MARCHF10: variants seen among roughly 807,000 people sequenced by gnomAD.
MARCHF10 encodes membrane associated ring-CH-type finger 10.
In MARCHF10, 64 loss-of-function variants were observed where a neutral mutation model predicts 76.2. The observed-to-expected ratio is 0.84, with a 90% CI of 0.69 to 1.03. The LOEUF is 1.03. MARCHF10 is among the 50% of genes least tolerant of loss of function. The pLI is 0.00. For synonymous variants in MARCHF10, 340 were observed against 357.5 expected, an observed-to-expected ratio of 0.95 and a Z score of 0.55; for missense variants, 875 against 958.0, an observed-to-expected ratio of 0.91 and a Z score of 1.14.
chr17:62,805,909 A>G lies in MARCHF10; in HGVS notation c.-18+2168T>C, dbSNP rs79508713. 1.1e-4 allele frequency among the ~76,000 whole-genome samples: 4 copies of G among 35,908 alleles called. No homozygotes were observed. In the East Asian group the frequency reaches 2.3e-3, roughly 20 times the overall value. The allele number at this position is 35,908 out of a possible 152,430, so 23.6% of individuals were successfully genotyped here. Reference sequence around the variant, plus strand: ...AGAGAGACTCCATCCCCTCAAAAATAAAAAAAAATAATAATAATAATAATA... The same window carrying G: ...AGAGAGACTCCATCCCCTCAAAAATGAAAAAAAATAATAATAATAATAATA... On this transcript the variant is annotated intron_variant, in intron 1 of 10. Coordinates refer to ENST00000311269, the MANE Select transcript of MARCHF10 (RefSeq NM_152598.4).
chr17:62,772,503 G>A (rs975989841), intron 3 of MARCHF10, among the ~76,000 whole-genome samples: 2 of 152,148 alleles, frequency 1.3e-5, no homozygotes, highest in Non-Finnish European at 2.9e-5. Flanking sequence ...CTCTAGCATG[G>A]GCCTGTTGGG....
chr17:62,804,565 T>C (rs1029975602), intron 1 of MARCHF10, among the ~76,000 whole-genome samples: 2 of 152,096 alleles, frequency 1.3e-5, no homozygotes, highest in Non-Finnish European at 2.9e-5. Context: ...AGAGCATTCA[T>C]TGGAGTGACG....
chr17:62,782,549 T>C lies in MARCHF10; in HGVS notation c.210+5931A>G, dbSNP rs2092677992. 2.6e-5 allele frequency among the ~76,000 whole-genome samples: 4 copies of C among 152,102 alleles called. No individual in the cohort carries two copies. The South Asian group carries it at 8.3e-4, about 32-fold the overall frequency. On this transcript the variant is annotated intron_variant, in intron 3 of 10. Coordinates refer to ENST00000311269, the MANE Select transcript of MARCHF10 (RefSeq NM_152598.4). ...TTTTAGTAGAGATGGGGTTTCACCA[T>C]ATTGGCCAGGCTGGTCTTGAATTCC...
At chr17:62,771,470 C>T (rs914147993) in intron 3 of MARCHF10, among the ~76,000 whole-genome samples, 11 of 151,898 alleles carry the variant, frequency 7.2e-5, no homozygotes, top group South Asian at 4.2e-4. Context: ...AGCTAGATCT[C>T]GCAGGGCCTC....
chr17:62,764,317 C>T (rs1423116347), intron 3 of MARCHF10, among the ~76,000 whole-genome samples: 1 of 152,168 alleles, frequency 6.6e-6, no homozygotes, highest in East Asian at 1.9e-4. Flanking sequence ...ATTTCTGTCC[C>T]TCCCCGAGAG....
intron 1 of MARCHF10, among the ~76,000 whole-genome samples, chr17:62,802,546 G>A (rs999715042): frequency 1.3e-5 from 2 of 152,294 alleles, no homozygotes; most frequent in East Asian, 3.9e-4. Context: ...CAGGGTGCGA[G>A]ACTGACTTTG....
chr17:62,788,789 C>T (rs1181025150), intron 2 of MARCHF10, among the ~76,000 whole-genome samples, 190 bp from the exon 3 acceptor site: 2 of 151,820 alleles, frequency 1.3e-5, no homozygotes, highest in East Asian at 2.0e-4. Context: ...TCAGGCCGGG[C>T]GCGGTGGCTC....
chr17:62,717,482 T>C (rs1447817080), intron 8 of MARCHF10, among the ~76,000 whole-genome samples: 2 of 152,268 alleles, frequency 1.3e-5, no homozygotes, highest in Non-Finnish European at 2.9e-5. Context: ...CCCCTCCTGC[T>C]CTGTGGCCCA....
In MARCHF10 at chr17:62,736,999, T is replaced by C. The variant is rs1355910608; in HGVS notation, c.869A>G (p.Asp290Gly). ...TTCAGACTGGGTTTCCTCTTCAGTG[T>C]CATCGCTTTCTCTTCTGCTGTTCAA... ...LSLNSRRESD[D>G]TEEETQSEEC... Residue 290 changes from aspartate (D) to glycine (G), a missense_variant, in exon 6 of 11, where the codon GAC (aspartate) becomes GGC (glycine). Physicochemically the swap from Asp to Gly is moderately conservative, Grantham distance 94. Transcript: ENST00000311269. 5.6e-6 allele frequency: 9 copies of C among 1,614,080 alleles called. No homozygotes were observed. Among genetic ancestry groups the C allele is most frequent in the African/African-American group, 2.7e-5 (2 of 74,928 alleles).
At chr17:62,727,128 G>A (rs924247219) in intron 6 of MARCHF10, among the ~76,000 whole-genome samples, 1 of 152,160 alleles carries the variant, frequency 6.6e-6, no homozygotes, top group Non-Finnish European at 1.5e-5. Flanking sequence ...TGGTCATGCA[G>A]GTCTGAAGAT....
chr17:62,708,309 C>T (rs889375673), intron 9 of MARCHF10, among the ~76,000 whole-genome samples: 8 of 151,790 alleles, frequency 5.3e-5, no homozygotes, highest in African/African-American at 7.2e-5. Flanking sequence ...GCAGTGGCGC[C>T]GTCTCGGCTC....
chr17:62,796,983 C>T (rs956107985), intron 2 of MARCHF10, among the ~76,000 whole-genome samples: 1 of 151,796 alleles, frequency 6.6e-6, no homozygotes, highest in African/African-American at 2.4e-5. Flanking sequence ...ACCACTGCAC[C>T]CCCACCTGGA....
In MARCHF10 at chr17:62,801,552, C is replaced by T. The variant is rs565557907; in HGVS notation, c.90+94G>A. On this transcript the variant is annotated intron_variant, in intron 2 of 10. Transcript: ENST00000311269. Reference sequence around the variant, plus strand: ...ATCGGTGGGTTTGGATTTTAGAAAACTTTTACTGCTTATCATACGTTGATG... The same window carrying T: ...ATCGGTGGGTTTGGATTTTAGAAAATTTTTACTGCTTATCATACGTTGATG... The T allele has an allele frequency of 8.7e-4, 862 of 988,310 alleles. 3 individuals carry two copies. The highest frequency in any genetic ancestry group is 1.8e-3 in the Middle Eastern group (6 of 3,368). 61.2% of individuals were successfully genotyped at this position (988,310 alleles called of 1,614,324 possible).
At chr17:62,743,497 G>T (rs2091590999) in intron 5 of MARCHF10, among the ~76,000 whole-genome samples, 1 of 152,078 alleles carries the variant, frequency 6.6e-6, no homozygotes, top group Non-Finnish European at 1.5e-5. Flanking sequence ...CAAAAAATTA[G>T]CCGGGCATGG....
At chr17:62,777,366 G>A (rs1200263704) in intron 3 of MARCHF10, among the ~76,000 whole-genome samples, 1 of 152,202 alleles carries the variant, frequency 6.6e-6, no homozygotes, top group African/African-American at 2.4e-5. Flanking sequence ...ACATGGCAAT[G>A]ACCTAACGAC....
At chr17:62,799,579 C>A (rs1237239200) in intron 2 of MARCHF10, among the ~76,000 whole-genome samples, 1 of 152,086 alleles carries the variant, frequency 6.6e-6, no homozygotes, top group African/African-American at 2.4e-5. Flanking sequence ...GAAACCCCGT[C>A]TCTACTAAAA....
rs1399748609 is a variant in MARCHF10, at chr17:62,736,895, G to A, written c.973C>T (p.Pro325Ser). The A allele has an allele frequency of 3.7e-6, 6 of 1,613,824 alleles. No homozygotes were observed. In the African/African-American group the frequency reaches 6.7e-5, roughly 18 times the overall value. ...KRSRFGGTST[P>S]QAKNKNFEEN... ...TCAAAATTTTTATTTTTGGCCTGAGGGGTCGATGTCCCCCCAAATCTACTT... is the reference window on the plus strand; with the variant it reads ...TCAAAATTTTTATTTTTGGCCTGAGAGGTCGATGTCCCCCCAAATCTACTT... The change falls in exon 6 of 11, where the codon CCT becomes TCT. Residue 325 changes from proline (P) to serine (S), a missense_variant. Coordinates refer to ENST00000311269, the MANE Select transcript of MARCHF10 (RefSeq NM_152598.4).
intron 7 of MARCHF10, among the ~76,000 whole-genome samples, chr17:62,724,186 A>ATTT (rs11462196): frequency 2.9e-5 from 4 of 138,316 alleles, no homozygotes; most frequent in Non-Finnish European, 3.1e-5. Context: ...TGTTCCATGC[A>ATTT]TTTTTTTTTT....
rs191415907 is a variant in MARCHF10 at position 62,760,142 on chromosome 17, C to T, written c.211-136G>A. ...GAGTCTTCTGCCAGGTCAACACGCC[C>T]GTTCACCAGAGAGATTCAGATGGAC... On this transcript the variant is annotated intron_variant, in intron 3 of 10. Coordinates refer to ENST00000311269, the MANE Select transcript of MARCHF10 (RefSeq NM_152598.4). 1,807 of 674,300 alleles carry T rather than the reference C, an allele frequency of 2.7e-3. 6 individuals carry two copies. Among genetic ancestry groups the T allele is most frequent in the Non-Finnish European group, 3.5e-3 (1,386 of 397,312 alleles). 41.8% of individuals were successfully genotyped at this position (674,300 alleles called of 1,614,324 possible).
Sources: gnomAD v4.1 joint callset for allele counts (sites outside exome capture counted in the v4.1 genomes callset) on GRCh38, gnomAD v4.1.1 for gene constraint, MANE v1.5 for transcripts, NCBI Gene and HGNC (gene_info 2026-07-23, HGNC 2026-07-21) for gene names.